The following COP1 variants were observed in gnomAD, a reference collection of about 807,000 sequenced individuals.
The protein encoded by COP1 is COP1 E3 ubiquitin ligase.
A neutral mutation model predicts 101.3 loss-of-function variants in COP1; 24 were observed. The ratio of observed to expected loss-of-function variants is 0.24; its 90% CI spans 0.17 to 0.33. The LOEUF is 0.33. Among genes scored for constraint, COP1 ranks in the 10% least tolerant of loss-of-function variants. The pLI, the probability that COP1 is intolerant of heterozygous loss-of-function variation, is 1.00. For missense variants in COP1, 663 were observed against 906.2 expected (o/e 0.73, Z 3.45); for synonymous variants, 347 against 341.9 (o/e 1.01, Z -0.17).
At chr1:176,160,505 T>G (rs1271638696) in intron 5 of COP1, among the ~76,000 whole-genome samples, 1 of 151,820 alleles carries the variant, frequency 6.6e-6, no homozygotes, top group Non-Finnish European at 1.5e-5. Context: ...GGGGAAAAAT[T>G]TTTGCAATGT....
At chr1:176,020,657 T>C (rs985698905) in intron 15 of COP1, among the ~76,000 whole-genome samples, 2 of 152,174 alleles carry the variant, frequency 1.3e-5, no homozygotes, top group African/African-American at 2.4e-5. Context: ...AGCCTAGGCA[T>C]CAGAGCAAGA....
rs760045009 is a variant in COP1, at chr1:176,081,260, T to C, written c.1169A>G (p.Asp390Gly). ...SDDSRTASQL[D>G]EFQECLSKFT... Reference sequence around the variant, plus strand: ...CTTGGACAAGCATTCCTGAAATTCATCCAACTGGCTTGCAGTTCGACTGTC... The same window carrying C: ...CTTGGACAAGCATTCCTGAAATTCACCCAACTGGCTTGCAGTTCGACTGTC... Residue 390 changes from aspartate (D) to glycine (G), a missense_variant, in exon 11 of 20, where the codon GAT becomes GGT. By Grantham distance (94) the Asp-to-Gly change is moderately conservative (BLOSUM62 -1). Around this residue, in one of 4 missense-constraint regions of COP1, gnomAD observed 212 missense variants for 240.7 expected, o/e 0.88. Transcript: ENST00000367669. 1.3e-6 allele frequency: 2 copies of C among 1,598,106 alleles called. No individual in the cohort carries two copies. The highest frequency in any genetic ancestry group is 1.7e-5 in the Admixed American group (1 of 58,526).
At chr1:176,085,179 C>T (rs1055900398) in intron 10 of COP1, among the ~76,000 whole-genome samples, 2 of 152,110 alleles carry the variant, frequency 1.3e-5, no homozygotes, top group African/African-American at 4.8e-5. Context: ...AATTCATACT[C>T]GAATAGCCCA....
chr1:176,045,166 A>G (rs891703279), intron 12 of COP1, among the ~76,000 whole-genome samples: 2 of 152,120 alleles, frequency 1.3e-5, no homozygotes, highest in African/African-American at 2.4e-5. Flanking sequence ...TATAAAATGG[A>G]GCAATAATGG....
chr1:175,967,437 GA>G (rs1439375263), intron 18 of COP1, among the ~76,000 whole-genome samples: 3 of 152,184 alleles, frequency 2.0e-5, no homozygotes, highest in Non-Finnish European at 4.4e-5. Context: ...AGTGAGCTGA[GA>G]TTATGCCACT....
At chr1:176,076,003 CAAAAAAA>C (rs60998287) in intron 11 of COP1, among the ~76,000 whole-genome samples, 2 of 96,548 alleles carry the variant, frequency 2.1e-5, no homozygotes, top group African/African-American at 4.4e-5. Context: ...AACTCCATCT[CAAAAAAA>C]AAAAAAAAAA....
At chr1:176,023,248 C>T (rs961754545) in intron 15 of COP1, among the ~76,000 whole-genome samples, 11 of 152,046 alleles carry the variant, frequency 7.2e-5, no homozygotes, top group East Asian at 1.9e-4. Context: ...CACTATTATA[C>T]GGTGAAGAAA....
At chr1:175,992,382 C>T (rs1022961550) in intron 15 of COP1, among the ~76,000 whole-genome samples, 3 of 152,212 alleles carry the variant, frequency 2.0e-5, no homozygotes, top group Admixed American at 2.0e-4. Context: ...TAGGGAGTGC[C>T]AGACAGTGGG....
At chr1:176,085,414 T>G (rs1206205473) in intron 10 of COP1, among the ~76,000 whole-genome samples, 1 of 152,184 alleles carries the variant, frequency 6.6e-6, no homozygotes, top group Non-Finnish European at 1.5e-5. Context: ...AAACCAGTTC[T>G]TTCATCTTTT....
chr1:175,949,031 C>T (rs955135769), intron 18 of COP1, among the ~76,000 whole-genome samples: 7 of 151,350 alleles, frequency 4.6e-5, no homozygotes, highest in African/African-American at 1.5e-4. Context: ...GGCGTGGTGG[C>T]GTGTGCCCGT....
In COP1 at chr1:176,163,004, G is replaced by A. The variant is rs202185114; in HGVS notation, c.643-16C>T. ...TGTGGCCATTCTAAAAATGAAGAAAGAAGAAACACAACAACTTCCTATGAA... is the reference window on the plus strand; with the variant it reads ...TGTGGCCATTCTAAAAATGAAGAAAAAAGAAACACAACAACTTCCTATGAA... On this transcript the variant is annotated splice_polypyrimidine_tract_variant and intron_variant, in intron 4 of 19. Transcript: ENST00000367669. The A allele has an allele frequency of 6.2e-5, 99 of 1,587,854 alleles. No homozygotes were observed. In the East Asian group the frequency reaches 2.1e-3, roughly 34 times the overall value.
At chr1:176,029,289 T>A (rs1180901817) in intron 14 of COP1, among the ~76,000 whole-genome samples, 3 of 152,206 alleles carry the variant, frequency 2.0e-5, no homozygotes, top group Non-Finnish European at 4.4e-5. Flanking sequence ...TGTATTTGAA[T>A]AAGTAGTCTA....
intron 11 of COP1, among the ~76,000 whole-genome samples, chr1:176,061,618 C>T (rs560484098): frequency 1.3e-5 from 2 of 152,038 alleles, no homozygotes; most frequent in Admixed American, 1.3e-4. Flanking sequence ...AAGAGTGAAA[C>T]TCCGTCTCAA....
chr1:176,058,519 C>T (rs1425068779), intron 11 of COP1, among the ~76,000 whole-genome samples: 2 of 152,084 alleles, frequency 1.3e-5, no homozygotes, highest in African/African-American at 2.4e-5. Flanking sequence ...GGATTAAGGG[C>T]GGTGCAAGAT....
At chr1:175,993,619 A>C (rs375158270) in intron 15 of COP1, among the ~76,000 whole-genome samples, 1 of 152,220 alleles carries the variant, frequency 6.6e-6, no homozygotes, top group Non-Finnish European at 1.5e-5. Flanking sequence ...GGAGCCGATG[A>C]GATGAACTGG....
At chr1:176,025,078 A>T (rs573198352) in intron 15 of COP1, among the ~76,000 whole-genome samples, 1 of 152,208 alleles carries the variant, frequency 6.6e-6, no homozygotes, top group South Asian at 2.1e-4. Flanking sequence ...GTGTTAGAAA[A>T]AGCATAAGCA....
chr1:176,013,920 G>A (rs1223620845), intron 15 of COP1, among the ~76,000 whole-genome samples: 1 of 152,170 alleles, frequency 6.6e-6, no homozygotes, highest in Admixed American at 6.5e-5. Flanking sequence ...ACAGCTGTAT[G>A]AAAGATTACT....
intron 9 of COP1, among the ~76,000 whole-genome samples, chr1:176,101,719 C>T (rs548880973): frequency 9.9e-5 from 15 of 152,266 alleles, no homozygotes; most frequent in African/African-American, 3.6e-4. Context: ...TGTTTTGATA[C>T]ATGTTTTCTA....
At chr1:176,057,159 G>A (rs1021894148) in intron 11 of COP1, among the ~76,000 whole-genome samples, 1 of 152,190 alleles carries the variant, frequency 6.6e-6, no homozygotes, top group African/African-American at 2.4e-5. Flanking sequence ...GTAGGTGTAA[G>A]AATCTTATTA....
Sources: gnomAD v4.1 joint callset for allele counts (sites outside exome capture counted in the v4.1 genomes callset) on GRCh38, gnomAD v4.1.1 for gene constraint, gnomAD v4.1.1 regional missense constraint, MANE v1.5 for transcripts, NCBI Gene and HGNC (gene_info 2026-07-23, HGNC 2026-07-21) for gene names.